The following EVC2 variants were observed in gnomAD, a reference collection of about 807,000 sequenced individuals.
EVC2 encodes limbin.
Under a neutral mutation model 149.3 loss-of-function variants are expected in EVC2, and 148 were observed. The ratio of observed to expected loss-of-function variants is 0.99; its 90% CI spans 0.87 to 1.14. EVC2 has a LOEUF of 1.14. Among genes scored for constraint, EVC2 ranks in the 50% most tolerant of loss-of-function variants. The probability of loss-of-function intolerance (pLI) is 0.00; values close to 1 mark genes in which losing one functional copy is unlikely to be tolerated. For missense variants in EVC2, 1,854 were observed against 1,627.3 expected, an observed-to-expected ratio of 1.14 and a Z score of -2.40; for synonymous variants, 776 against 649.9, an observed-to-expected ratio of 1.19 and a Z score of -2.95.
At chr4:5,565,794 C>T (rs994678121) in intron 20 of EVC2, among the ~76,000 whole-genome samples, 1 of 152,166 alleles carries the variant, frequency 6.6e-6, no homozygotes, top group African/African-American at 2.4e-5. Flanking sequence ...TATTCTTTCA[C>T]TCATTCACTG....
chr4:5,701,697 T>A (rs1310535775), intron 1 of EVC2, among the ~76,000 whole-genome samples: 2 of 152,134 alleles, frequency 1.3e-5, no homozygotes, highest in Non-Finnish European at 2.9e-5. Flanking sequence ...TCCCCTCAAA[T>A]CCAGACTTGA....
chr4:5,568,337 T>C (rs1722424383), intron 20 of EVC2, 107 bp downstream of exon 20: 1 of 1,180,392 alleles, frequency 8.5e-7, no homozygotes, highest in African/African-American at 1.5e-5. Flanking sequence ...GGTAACAAAA[T>C]TAAAAAGTAT....
At chr4:5,673,736 C>T (rs1179251919) in intron 7 of EVC2, among the ~76,000 whole-genome samples, 1 of 152,172 alleles carries the variant, frequency 6.6e-6, no homozygotes, top group East Asian at 1.9e-4. Context: ...GCTTTAAATG[C>T]TCAGAATCCA....
intron 1 of EVC2, among the ~76,000 whole-genome samples, chr4:5,707,802 C>G (rs922573580): frequency 1.3e-5 from 2 of 152,056 alleles, no homozygotes; most frequent in African/African-American, 4.8e-5. Flanking sequence ...TAGGAAGTGG[C>G]TAAATCCATC....
At chr4:5,552,562 C>T (rs1399694527) in intron 21 of EVC2, among the ~76,000 whole-genome samples, 1 of 152,220 alleles carries the variant, frequency 6.6e-6, no homozygotes, top group African/African-American at 2.4e-5. Context: ...ACACTCCCAA[C>T]TTAAACAACT....
chr4:5,643,672 G>A lies in EVC2; in HGVS notation c.1146-2834C>T, dbSNP rs1304512724. 4.6e-5 allele frequency among the ~76,000 whole-genome samples: 7 copies of A among 152,284 alleles called. No homozygotes were observed. In the East Asian group the frequency reaches 1.2e-3, roughly 25 times the overall value. On this transcript the variant is annotated intron_variant, in intron 9 of 21. Transcript: ENST00000344408. ...GCAGTGGCTCACACCTGTAATCCCA[G>A]CACTTTGGGAGGCCAAGGTGGGTGG...
intron 16 of EVC2, among the ~76,000 whole-genome samples, chr4:5,592,371 G>C (rs940425934): frequency 6.6e-6 from 1 of 152,180 alleles, no homozygotes; most frequent in African/African-American, 2.4e-5. Flanking sequence ...GAATCTAGCG[G>C]TGCCACTAGC....
At chr4:5,598,243 A>G (rs1433381486) in intron 16 of EVC2, among the ~76,000 whole-genome samples, 44 of 152,176 alleles carry the variant, frequency 2.9e-4, no homozygotes, top group African/African-American at 1.0e-3. Flanking sequence ...GGAACCAAAA[A>G]AGAGCCCGCA....
chr4:5,632,035 G>A lies in EVC2; in HGVS notation c.1471-3C>T. 6.2e-7 allele frequency: 1 copy of A among 1,613,902 alleles called. No individual in the cohort carries two copies. Among genetic ancestry groups the A allele is most frequent in the Non-Finnish European group, 8.5e-7 (1 of 1,179,922 alleles). On this transcript the variant is annotated splice_region_variant and splice_polypyrimidine_tract_variant and intron_variant, in intron 10 of 21. Transcript: ENST00000344408. ...AGGTTGCTGCACTCTACAGCAGACTGGAGAGAGGAAAGGGAGAGCGTGAGA... is the reference window on the plus strand; with the variant it reads ...AGGTTGCTGCACTCTACAGCAGACTAGAGAGAGGAAAGGGAGAGCGTGAGA...
chr4:5,687,770 G>T (rs572308450), intron 5 of EVC2, among the ~76,000 whole-genome samples: 1 of 152,282 alleles, frequency 6.6e-6, no homozygotes, highest in East Asian at 1.9e-4. Flanking sequence ...ACCATGAAAG[G>T]TCTGCGGGGA....
At chr4:5,605,994 T>G (rs7682408) in intron 16 of EVC2, among the ~76,000 whole-genome samples, 1 of 152,114 alleles carries the variant, frequency 6.6e-6, no homozygotes, top group African/African-American at 2.4e-5. Flanking sequence ...CAGGCTGACA[T>G]GCAGAAGGAA....
At chr4:5,650,187 C>A (rs975086146) in intron 9 of EVC2, among the ~76,000 whole-genome samples, 3 of 152,144 alleles carry the variant, frequency 2.0e-5, no homozygotes, top group Non-Finnish European at 2.9e-5. Context: ...GCCACTAACT[C>A]TTCCTTCCTG....
chr4:5,632,135 T>A (rs2108851995), intron 10 of EVC2, 103 bp from the exon 11 acceptor site: 2 of 1,450,534 alleles, frequency 1.4e-6, no homozygotes, highest in Non-Finnish European at 1.9e-6. Context: ...ACACAATGTG[T>A]ACATGAACAC....
intron 21 of EVC2, among the ~76,000 whole-genome samples, chr4:5,546,990 G>A (rs1023710895): frequency 2.6e-5 from 4 of 152,154 alleles, no homozygotes; most frequent in African/African-American, 9.7e-5. Context: ...GAGCAGGCAG[G>A]AGCCCCACCC....
chr4:5,598,366 C>G (rs1454381533), intron 16 of EVC2, among the ~76,000 whole-genome samples: 1 of 150,514 alleles, frequency 6.6e-6, no homozygotes, highest in Non-Finnish European at 1.5e-5. Flanking sequence ...GGTACCAAAA[C>G]AGAGATATAG....
At chr4:5,630,647 C>T (rs1213069423) in intron 11 of EVC2, among the ~76,000 whole-genome samples, 1 of 152,152 alleles carries the variant, frequency 6.6e-6, no homozygotes, top group Non-Finnish European at 1.5e-5. Flanking sequence ...CAGTGATGCA[C>T]TCATGACCGT....
rs1720713033 is a variant in EVC2, at chr4:5,686,372, A to ATCTCATTTTATTTTTATATAT, written c.707-894_707-893insATATATAAAAATAAAATGAGA. Among the ~76,000 whole-genome samples, 1 of 151,794 alleles carries ATCTCATTTTATTTTTATATAT rather than the reference A, an allele frequency of 6.6e-6. No individual in the cohort carries two copies. Among genetic ancestry groups the ATCTCATTTTATTTTTATATAT allele is most frequent in the Admixed American group, 6.6e-5 (1 of 15,246 alleles). On this transcript the variant is annotated intron_variant, in intron 5 of 21. Coordinates refer to ENST00000344408, the MANE Select transcript of EVC2 (RefSeq NM_147127.5). The surrounding 1 kb of genome is among the most constrained non-coding windows in gnomAD (Gnocchi z 5.4). The stretch of plus-strand genomic sequence containing the variant: ...GCTCATCTCATTTTATTTTTATATA[A>ATCTCATTTTATTTTTATATAT]CCTAGAGCTAAGATAATGAACGTAA...
chr4:5,588,699 CTA>C (rs1296458598), intron 16 of EVC2, among the ~76,000 whole-genome samples: 4 of 152,076 alleles, frequency 2.6e-5, no homozygotes, highest in African/African-American at 7.2e-5. Context: ...AATCAAACTT[CTA>C]GAGAACAAAA....
chr4:5,601,519 G>A (rs1477838430), intron 16 of EVC2, among the ~76,000 whole-genome samples: 16 of 133,448 alleles, frequency 1.2e-4, no homozygotes, highest in African/African-American at 3.0e-4. Flanking sequence ...GTAAAAAAAA[G>A]GAAAAAAAAA....
Sources: allele counts gnomAD v4.1 joint callset (sites outside exome capture counted in the v4.1 genomes callset), GRCh38; gene constraint gnomAD v4.1.1; non-coding constraint Gnocchi (gnomAD v3.1); transcripts MANE v1.5; gene names NCBI Gene and HGNC (gene_info 2026-07-23, HGNC 2026-07-21).